The following PTPRQ variants were observed in gnomAD, a reference collection of about 807,000 sequenced individuals.
The protein encoded by PTPRQ is phosphatidylinositol phosphatase PTPRQ.
In PTPRQ, 199 loss-of-function variants were observed where a neutral mutation model predicts 246.0. The observed-to-expected ratio is 0.81, with a 90% CI of 0.72 to 0.91. PTPRQ has a LOEUF of 0.91. Ranked by LOEUF, PTPRQ falls within the 40% of genes least tolerant of loss-of-function variation. The probability of loss-of-function intolerance (pLI) is 0.00; values close to 1 mark genes in which losing one functional copy is unlikely to be tolerated. For missense variants in PTPRQ, 2,624 were observed against 2,528.4 expected (o/e 1.04, Z -0.81); for synonymous variants, 869 against 853.2 (o/e 1.02, Z -0.32).
intron 27 of PTPRQ, among the ~76,000 whole-genome samples, chr12:80,609,175 A>T (rs915861641): frequency 2.0e-5 from 3 of 150,008 alleles, no homozygotes; most frequent in Non-Finnish European, 4.5e-5. Context: ...CTTTTTTTTA[A>T]AAAAAAATTG....
chr12:80,602,279 TGAG>T (rs1318877403), intron 26 of PTPRQ, among the ~76,000 whole-genome samples: 4 of 151,804 alleles, frequency 2.6e-5, no homozygotes, highest in African/African-American at 9.7e-5. Flanking sequence ...ATTTTTGGAT[TGAG>T]TTGTGCACCT....
chr12:80,592,554 C>T (rs1014961547), intron 26 of PTPRQ, among the ~76,000 whole-genome samples: 7 of 151,884 alleles, frequency 4.6e-5, no homozygotes, highest in Non-Finnish European at 5.9e-5. Context: ...AGTTAAGTAA[C>T]GGAAGTCTTG....
At chr12:80,564,432 T>C (rs1178759905) in intron 25 of PTPRQ, among the ~76,000 whole-genome samples, 1 of 152,054 alleles carries the variant, frequency 6.6e-6, no homozygotes, top group Non-Finnish European at 1.5e-5. Flanking sequence ...GTGGGAGGAG[T>C]GGAAAGAATA....
chr12:80,502,891 GAAC>G (rs1446205027), intron 14 of PTPRQ, among the ~76,000 whole-genome samples: 1 of 151,834 alleles, frequency 6.6e-6, no homozygotes, highest in Non-Finnish European at 1.5e-5. Flanking sequence ...AGAGTCCAGG[GAAC>G]TGGATAGATC....
At chr12:80,649,897 C>T (rs751922992) in intron 37 of PTPRQ, among the ~76,000 whole-genome samples, 8 of 152,138 alleles carry the variant, frequency 5.3e-5, no homozygotes, top group South Asian at 4.1e-4. Flanking sequence ...CTTCTTCAGA[C>T]CTCCCCTGTA....
chr12:80,475,582 T>C (rs1472692343), intron 8 of PTPRQ, among the ~76,000 whole-genome samples: 1 of 152,042 alleles, frequency 6.6e-6, no homozygotes, highest in Non-Finnish European at 1.5e-5. Context: ...ATTTGTGGTC[T>C]AACAGATCAA....
intron 26 of PTPRQ, among the ~76,000 whole-genome samples, chr12:80,601,660 A>G (rs1898148302): frequency 6.6e-6 from 1 of 151,790 alleles, no homozygotes; most frequent in South Asian, 2.1e-4. Context: ...TTCAAATAAC[A>G]TTAATAATAA....
rs184512465 is a variant in PTPRQ at position 80,556,732 on chromosome 12, A to G, written c.4285+6998A>G. 2.2e-3 allele frequency among the ~76,000 whole-genome samples: 341 copies of G among 152,288 alleles called. 3 individuals carry two copies. The South Asian group carries it at 0.028, about 12-fold the overall frequency. On this transcript the variant is annotated intron_variant, in intron 25 of 44. Transcript: ENST00000644991. ...AGCACTCATGGTAAGCTGCCCTCCG[A>G]CACCCTCACTATTCATGAAAATAGT...
chr12:80,560,015 A>C lies in PTPRQ; in HGVS notation c.4285+10281A>C, dbSNP rs149571953. 1.3e-4 allele frequency among the ~76,000 whole-genome samples: 20 copies of C among 152,354 alleles called. 2 individuals are homozygous for C. The highest frequency in any genetic ancestry group is 4.6e-4 in the African/African-American group (19 of 41,586). Reference sequence around the variant, plus strand: ...GCCAAAACAAGATTCAAGCAGCCACATGTGGACACCTCTTAAAAGAATTTG... The same window carrying C: ...GCCAAAACAAGATTCAAGCAGCCACCTGTGGACACCTCTTAAAAGAATTTG... On this transcript the variant is annotated intron_variant, in intron 25 of 44. Transcript: ENST00000644991.
chr12:80,493,667 G>A (rs564122823), intron 10 of PTPRQ, among the ~76,000 whole-genome samples: 2 of 152,030 alleles, frequency 1.3e-5, no homozygotes, highest in South Asian at 4.2e-4. Flanking sequence ...CCTTCTTCCT[G>A]GAGAAAGTAG....
intron 6 of PTPRQ, among the ~76,000 whole-genome samples, chr12:80,465,798 T>C (rs1218078924): frequency 6.6e-6 from 1 of 152,070 alleles, no homozygotes; most frequent in Admixed American, 6.6e-5. Flanking sequence ...TTTGACAAAA[T>C]TCAACAACCC....
intron 14 of PTPRQ, among the ~76,000 whole-genome samples, chr12:80,501,917 A>T (rs995735741): frequency 6.1e-4 from 92 of 150,128 alleles, no homozygotes; most frequent in African/African-American, 2.2e-3. Context: ...AGAAAAATGA[A>T]GTCAGATTAA....
chr12:80,468,343 C>T (rs1357279133), intron 6 of PTPRQ, among the ~76,000 whole-genome samples: 1 of 152,062 alleles, frequency 6.6e-6, no homozygotes, highest in Admixed American at 6.6e-5. Flanking sequence ...GCCAGATATC[C>T]AGACTTTGTT....
chr12:80,447,654 A>G (rs1892594473), intron 3 of PTPRQ, among the ~76,000 whole-genome samples: 1 of 150,588 alleles, frequency 6.6e-6, no homozygotes, highest in Non-Finnish European at 1.5e-5. Flanking sequence ...TATTGAACAG[A>G]ATATCCTTTC....
At position 80,648,906 on chromosome 12, in the gene PTPRQ, T is replaced by C. The variant is rs369554663; in HGVS notation, c.5925T>C (p.Ser1975=). ...LKDERLTRLL[S]YRKSIKPISK... is the part of the protein sequence containing the mutation. ...ACAATCTCTATTGCAGGTTACTTAG[T>C]TATAGAAAATCCATCAAGTAAGTTT... is the stretch of plus-strand genomic sequence containing the variant. Residue 1975 remains serine, a synonymous_variant, in exon 36 of 45, where the codon AGT becomes AGC. Coordinates refer to ENST00000644991, the MANE Select transcript of PTPRQ (RefSeq NM_001145026.2). 6 of 1,527,388 alleles carry C rather than the reference T, an allele frequency of 3.9e-6. No individual in the cohort carries two copies. Among genetic ancestry groups the C allele is most frequent in the East Asian group, 2.5e-5 (1 of 39,282 alleles). 94.6% of individuals were successfully genotyped at this position (1,527,388 alleles called of 1,614,324 possible).
intron 38 of PTPRQ, among the ~76,000 whole-genome samples, chr12:80,656,914 A>G (rs1900460797): frequency 6.6e-6 from 1 of 151,578 alleles, no homozygotes; most frequent in Admixed American, 6.6e-5. Flanking sequence ...ACAAAGATTG[A>G]AATACTTAAA....
intron 26 of PTPRQ, among the ~76,000 whole-genome samples, chr12:80,594,949 TTC>T (rs1252925016): frequency 1.3e-5 from 2 of 152,154 alleles, no homozygotes; most frequent in African/African-American, 4.8e-5. Flanking sequence ...TTTGATCATT[TTC>T]TACATGCCTG....
At chr12:80,606,928 A>G (rs1898345753) in intron 27 of PTPRQ, among the ~76,000 whole-genome samples, 1 of 150,960 alleles carries the variant, frequency 6.6e-6, no homozygotes, top group Non-Finnish European at 1.5e-5. Flanking sequence ...GCACTTTATT[A>G]ATGAAAATAG....
At chr12:80,638,267 TAAAAAA>T (rs148232481) in intron 35 of PTPRQ, among the ~76,000 whole-genome samples, 1 of 138,610 alleles carries the variant, frequency 7.2e-6, no homozygotes, top group African/African-American at 2.7e-5. Context: ...GAAACTCCGT[TAAAAAA>T]AAAAAAAAAA....
Sources: gnomAD v4.1 joint callset for allele counts (sites outside exome capture counted in the v4.1 genomes callset) on GRCh38, gnomAD v4.1.1 for gene constraint, MANE v1.5 for transcripts, NCBI Gene and HGNC (gene_info 2026-07-23, HGNC 2026-07-21) for gene names.